ESR1: variants seen among roughly 807,000 people sequenced by gnomAD.
ESR1 encodes the protein estrogen receptor.
A neutral mutation model predicts 52.7 loss-of-function variants in ESR1; 12 were observed. The observed-to-expected ratio is 0.23, with a 90% CI of 0.15 to 0.37. The LOEUF is 0.37. ESR1 is among the 10% of genes least tolerant of loss of function. The pLI is 1.00. For synonymous variants in ESR1, 305 were observed against 316.8 expected (o/e 0.96, Z 0.39); for missense variants, 584 against 779.7 (o/e 0.75, Z 2.99).
At chr6:151,982,983 C>T (rs1470054440) in intron 4 of ESR1, among the ~76,000 whole-genome samples, 1 of 152,092 alleles carries the variant, frequency 6.6e-6, no homozygotes, top group Non-Finnish European at 1.5e-5. Flanking sequence ...TCCAAATATA[C>T]TTGAAAGTGT....
At chr6:152,012,017 T>TACACACACACACACAC (rs141508452) in intron 5 of ESR1, among the ~76,000 whole-genome samples, 198 of 141,802 alleles carry the variant, frequency 1.4e-3, no homozygotes, top group South Asian at 9.7e-3. Context: ...TTATTTCTAA[T>TACACACACACACACAC]ACACACACAC....
At chr6:151,687,255 A>G (rs1778725874), upstream of ESR1, among the ~76,000 whole-genome samples, 1 of 152,086 alleles carries the variant, frequency 6.6e-6, no homozygotes, top group Non-Finnish European at 1.5e-5. Flanking sequence ...TATGAACTTG[A>G]GTTGGTTGTT....
intron 1 of ESR1, among the ~76,000 whole-genome samples, chr6:151,700,668 CTTTTT>C (rs34905961): frequency 0.024 from 2,798 of 117,198 alleles, 22 homozygotes; most frequent in East Asian, 0.036. Flanking sequence ...TTAAACTTTC[CTTTTT>C]TTTTTTTTTT....
chr6:151,759,635 C>T (rs1156673978), intron 2 of ESR1, among the ~76,000 whole-genome samples: 2 of 152,206 alleles, frequency 1.3e-5, no homozygotes, highest in Non-Finnish European at 2.9e-5. Context: ...GCATGCCCTG[C>T]AGCTTTGACG....
chr6:151,665,166 C>T (rs1037440662), intron 1 of ESR1, among the ~76,000 whole-genome samples: 2 of 152,034 alleles, frequency 1.3e-5, no homozygotes, highest in African/African-American at 4.8e-5. Context: ...TCTTTGCAAA[C>T]GGCTGCACCT....
At chr6:151,678,073 T>C (rs1778314005) in intron 1 of ESR1, among the ~76,000 whole-genome samples, 1 of 152,184 alleles carries the variant, frequency 6.6e-6, no homozygotes, top group Non-Finnish European at 1.5e-5. Flanking sequence ...GGCACATGTA[T>C]GGTGTTGCGT....
chr6:151,945,692 T>C (rs2035621573), intron 4 of ESR1, among the ~76,000 whole-genome samples: 1 of 152,252 alleles, frequency 6.6e-6, no homozygotes, highest in African/African-American at 2.4e-5. Flanking sequence ...TGAAATTAAT[T>C]GTTTCCTATG....
At chr6:151,705,303 A>G (rs1482885864) in intron 2 of ESR1, among the ~76,000 whole-genome samples, 1 of 152,150 alleles carries the variant, frequency 6.6e-6, no homozygotes, top group African/African-American at 2.4e-5. Flanking sequence ...ATTTGGTCCC[A>G]AACTGGAGAG....
intron 6 of ESR1, among the ~76,000 whole-genome samples, chr6:152,078,423 G>A (rs1232643807): frequency 6.6e-6 from 1 of 152,150 alleles, no homozygotes; most frequent in Admixed American, 6.5e-5. Flanking sequence ...TCTTTGCAGT[G>A]GGTTAGATAC....
chr6:151,828,761 T>A (rs1781916963), intron 1 of ESR1, among the ~76,000 whole-genome samples: 1 of 152,228 alleles, frequency 6.6e-6, no homozygotes, highest in Admixed American at 6.5e-5. Context: ...TCTGTCACCA[T>A]GACATCCATA....
intron 1 of ESR1, among the ~76,000 whole-genome samples, chr6:151,815,801 G>A (rs1437324563): frequency 6.6e-6 from 1 of 152,234 alleles, no homozygotes; most frequent in Non-Finnish European, 1.5e-5. Context: ...TGACGTATAT[G>A]TTCCCAGCTG....
At chr6:151,852,441 CTT>C (rs1190046764) in intron 2 of ESR1, among the ~76,000 whole-genome samples, 2 of 152,068 alleles carry the variant, frequency 1.3e-5, no homozygotes, top group Non-Finnish European at 2.9e-5. Context: ...AAGAAACACT[CTT>C]ATTATAAAAA....
chr6:152,097,619 C>A (rs2050722675), intron 7 of ESR1, among the ~76,000 whole-genome samples: 1 of 152,118 alleles, frequency 6.6e-6, no homozygotes, highest in African/African-American at 2.4e-5. Flanking sequence ...TTCTCCTCCC[C>A]ACCCCCGCCA....
intron 4 of ESR1, among the ~76,000 whole-genome samples, chr6:151,955,237 C>T (rs1460040504): frequency 6.6e-6 from 1 of 152,092 alleles, no homozygotes; most frequent in Non-Finnish European, 1.5e-5. Context: ...GCCTTGATTA[C>T]TCTTAATAAA....
chr6:151,971,478 A>C (rs2038905984), intron 4 of ESR1, among the ~76,000 whole-genome samples: 1 of 145,040 alleles, frequency 6.9e-6, no homozygotes, highest in African/African-American at 2.7e-5. Context: ...TTCACTTTGA[A>C]TAGTGGTCTC....
intron 1 of ESR1, among the ~76,000 whole-genome samples, chr6:151,811,842 C>G (rs931770895): frequency 6.6e-6 from 1 of 152,116 alleles, no homozygotes; most frequent in Non-Finnish European, 1.5e-5. Flanking sequence ...AAAACGGAAT[C>G]ACATCTTCAA....
chr6:151,834,435 A>G (rs1395342970), intron 1 of ESR1, among the ~76,000 whole-genome samples: 1 of 152,216 alleles, frequency 6.6e-6, no homozygotes, highest in Non-Finnish European at 1.5e-5. Context: ...ATTCTCAGCA[A>G]ACTAACACAG....
intron 2 of ESR1, among the ~76,000 whole-genome samples, chr6:151,771,994 G>A (rs1785559537): frequency 6.6e-6 from 1 of 152,160 alleles, no homozygotes; most frequent in South Asian, 2.1e-4. Context: ...GTTTTGAAAA[G>A]AAGGGTAAAT....
At chr6:151,659,272 C>T (rs1777557910) in intron 1 of ESR1, among the ~76,000 whole-genome samples, 1 of 152,192 alleles carries the variant, frequency 6.6e-6, no homozygotes, top group Non-Finnish European at 1.5e-5. Context: ...CTCAGCCTCC[C>T]AGAGTGCTGG....
Sources: allele counts gnomAD v4.1 joint callset (sites outside exome capture counted in the v4.1 genomes callset), GRCh38; gene constraint gnomAD v4.1.1; transcripts MANE v1.5; gene names NCBI Gene and HGNC (gene_info 2026-07-23, HGNC 2026-07-21).